Variants in ACACA observed in about 807,000 individuals in gnomAD.
The protein encoded by ACACA is acetyl-CoA carboxylase 1.
Under a neutral mutation model 296.1 loss-of-function variants are expected in ACACA, and 103 were observed. The observed-to-expected ratio is 0.35, with a 90% CI of 0.30 to 0.41. The LOEUF is 0.41. Ranked by LOEUF, ACACA falls within the 10% of genes least tolerant of loss-of-function variation. The pLI is 1.00. For missense variants in ACACA, 1,554 were observed against 2,989.7 expected (o/e 0.52, Z 11.20); for synonymous variants, 953 against 1,038.6 (o/e 0.92, Z 1.58).
In ACACA at chr17:37,216,208, G is replaced by A. The variant is rs28491217; in HGVS notation, c.3683+5516C>T. On this transcript the variant is annotated intron_variant, in intron 29 of 55. Transcript: ENST00000616317. ...CACACACGTGTGTGTGTGTGTGTGT[G>A]TATATATATATATATATATGTTTCT... Among the ~76,000 whole-genome samples the A allele has an allele frequency of 2.1e-3, 306 of 144,122 alleles. 1 individual carries two copies. Among genetic ancestry groups the A allele is most frequent in the African/African-American group, 5.3e-3 (210 of 39,546 alleles). The allele number at this position is 144,122 out of a possible 152,430, so 94.5% of individuals were successfully genotyped here.
intron 42 of ACACA, among the ~76,000 whole-genome samples, chr17:37,157,825 G>A (rs2076312471): frequency 6.6e-6 from 1 of 152,012 alleles, no homozygotes; most frequent in Admixed American, 6.6e-5. Context: ...GCATGAGCAT[G>A]AGCCACCACA....
chr17:37,319,372 T>G (rs1014111822), intron 3 of ACACA, among the ~76,000 whole-genome samples: 1 of 152,118 alleles, frequency 6.6e-6, no homozygotes, highest in Admixed American at 6.6e-5. Context: ...TGACCTCATT[T>G]TAGTAAAAAA....
rs180815129 is a variant in ACACA, at chr17:37,186,982, C to T, written c.4776+1295G>A. On this transcript the variant is annotated intron_variant, in intron 39 of 55. Transcript: ENST00000616317. ...AATCTCAAGTGGCCATCTTACTTTT[C>T]ACAAGAATAGACCTGCCTTGAAGCT... Among the ~76,000 whole-genome samples the T allele has an allele frequency of 5.9e-5, 9 of 152,080 alleles. No individual in the cohort carries two copies. The East Asian group carries it at 1.5e-3, about 26-fold the overall frequency.
intron 1 of ACACA, among the ~76,000 whole-genome samples, chr17:37,366,491 C>T (rs1299219891): frequency 5.0e-5 from 7 of 140,628 alleles, no homozygotes; most frequent in Admixed American, 7.6e-5. Context: ...TTTTTTGAGA[C>T]GGAGTCTCAC....
At chr17:37,315,851 T>C (rs1044318790) in intron 3 of ACACA, among the ~76,000 whole-genome samples, 1 of 152,190 alleles carries the variant, frequency 6.6e-6, no homozygotes, top group Admixed American at 6.5e-5. Flanking sequence ...TAAGTAGGCA[T>C]GGCTGATTAA....
At chr17:37,136,364 T>C (rs117742645) in intron 45 of ACACA, among the ~76,000 whole-genome samples, 2,066 of 152,328 alleles carry the variant, frequency 0.014, 26 homozygotes, top group East Asian at 0.046. Flanking sequence ...TAAGCCTCAT[T>C]CATGCTGATG....
Position 37,251,995 on chromosome 17 carries a change from C to G in ACACA, c.2081+10G>C. ...ATTAGTTTGTGTAGCCTACAAGAAACAAAGCCTACCTTTCTAAGGAGTGAA... is the reference window on the plus strand; with the variant it reads ...ATTAGTTTGTGTAGCCTACAAGAAAGAAAGCCTACCTTTCTAAGGAGTGAA... On this transcript the variant is annotated intron_variant, in intron 16 of 55. Transcript: ENST00000616317. The G allele has an allele frequency of 6.2e-7, 1 of 1,612,512 alleles. No homozygotes were observed. Among genetic ancestry groups the G allele is most frequent in the Non-Finnish European group, 8.5e-7 (1 of 1,178,480 alleles).
At chr17:37,405,757 T>C (rs1284325865) in intron 1 of ACACA, among the ~76,000 whole-genome samples, 1 of 151,936 alleles carries the variant, frequency 6.6e-6, no homozygotes, top group Non-Finnish European at 1.5e-5. Context: ...TTTCACCATG[T>C]TGGTCAGGCT....
chr17:37,379,139 ACT>A (rs2050134052), intron 1 of ACACA: 1 of 1,611,178 alleles, frequency 6.2e-7, no homozygotes, highest in Admixed American at 1.7e-5. Context: ...CCTTCCAGAA[ACT>A]CACACAGAAA....
chr17:37,290,793 C>T lies in ACACA; in HGVS notation c.339-5823G>A, dbSNP rs113360363. Among the ~76,000 whole-genome samples, 1,112 of 152,174 alleles carry T rather than the reference C, an allele frequency of 7.3e-3. 5 individuals carry two copies. The highest frequency in any genetic ancestry group is 0.024 in the African/African-American group (976 of 41,530). Reference sequence around the variant, plus strand: ...ATTGTCTTGGGCCACGTATAAAATACGCTAACACTGGCGGGCACAGTGGCT... The same window carrying T: ...ATTGTCTTGGGCCACGTATAAAATATGCTAACACTGGCGGGCACAGTGGCT... On this transcript the variant is annotated intron_variant, in intron 3 of 55. Coordinates refer to ENST00000616317, the MANE Select transcript of ACACA (RefSeq NM_198834.3).
chr17:37,181,378 T>C (rs767203316), intron 39 of ACACA, 22 bp from the exon 40 acceptor site: 11 of 1,613,750 alleles, frequency 6.8e-6, no homozygotes, highest in South Asian at 6.6e-5. Flanking sequence ...AAAAATGGCA[T>C]GGGGAGTTAA....
Position 37,207,845 on chromosome 17 carries a change from G to T in ACACA, c.3708-45C>A, listed in dbSNP as rs74607269. ...CGTTCATTAGACAAGGAGGGTAGGA[G>T]CAAGGACTGGGAAAGTAACAGTAGG... is the stretch of plus-strand genomic sequence containing the variant. On this transcript the variant is annotated intron_variant, in intron 30 of 55. Transcript: ENST00000616317. The T allele has an allele frequency of 2.3e-3, 3,608 of 1,603,144 alleles. 64 individuals carry two copies. The African/African-American group carries it at 0.037, about 16-fold the overall frequency.
intron 8 of ACACA, 105 bp from the exon 9 acceptor site, chr17:37,274,404 A>G: frequency 8.9e-7 from 1 of 1,126,252 alleles, no homozygotes; most frequent in Non-Finnish European, 1.3e-6. Flanking sequence ...CAAAACTGAG[A>G]GTGGATGGGA....
intron 11 of ACACA, among the ~76,000 whole-genome samples, chr17:37,260,574 G>T (rs1339125959): frequency 1.3e-5 from 2 of 151,826 alleles, no homozygotes; most frequent in Non-Finnish European, 2.9e-5. Context: ...AAAGTGCTGG[G>T]ATTATAGGCG....
At chr17:37,380,391 A>G (rs2050194166) in intron 1 of ACACA, among the ~76,000 whole-genome samples, 1 of 151,872 alleles carries the variant, frequency 6.6e-6, no homozygotes, top group African/African-American at 2.4e-5. Flanking sequence ...TAACCTGCAC[A>G]ATGTGCACAT....
chr17:37,174,571 T>G (rs547134902), intron 41 of ACACA, among the ~76,000 whole-genome samples: 49 of 152,210 alleles, frequency 3.2e-4, no homozygotes, highest in South Asian at 8.3e-4. Flanking sequence ...TCTCACTCTG[T>G]AACCAGGCTT....
At chr17:37,302,006 A>T (rs1225169891) in intron 3 of ACACA, among the ~76,000 whole-genome samples, 1 of 151,392 alleles carries the variant, frequency 6.6e-6, no homozygotes, top group Non-Finnish European at 1.5e-5. Context: ...TTTGAGATGG[A>T]GTCTCGCTCT....
intron 42 of ACACA, among the ~76,000 whole-genome samples, chr17:37,156,076 TTTG>T (rs1160037533): frequency 7.0e-6 from 1 of 141,948 alleles, no homozygotes; most frequent in African/African-American, 2.6e-5. Context: ...TTTTTTTTTT[TTTG>T]TTGAGATGGA....
chr17:37,248,792 C>T, intron 16 of ACACA, 118 bp from the exon 17 acceptor site: 3 of 694,016 alleles, frequency 4.3e-6, no homozygotes, highest in South Asian at 1.4e-5. Flanking sequence ...AACCTAAATA[C>T]CTAAATGATC....
Sources: allele counts gnomAD v4.1 joint callset (sites outside exome capture counted in the v4.1 genomes callset), GRCh38; gene constraint gnomAD v4.1.1; transcripts MANE v1.5; gene names NCBI Gene and HGNC (gene_info 2026-07-23, HGNC 2026-07-21).